The following SDK1 variants were observed in gnomAD, a reference collection of about 807,000 sequenced individuals.
SDK1 encodes protein sidekick-1.
Under a neutral mutation model 245.5 loss-of-function variants are expected in SDK1, and 157 were observed. The ratio of observed to expected loss-of-function variants is 0.64; its 90% CI spans 0.56 to 0.73. The LOEUF (loss-of-function observed/expected upper bound fraction) is 0.73, where lower values mean the gene tolerates loss of function less well. Ranked by LOEUF, SDK1 falls within the 30% of genes least tolerant of loss-of-function variation. The probability of loss-of-function intolerance (pLI) is 0.00; values close to 1 mark genes in which losing one functional copy is unlikely to be tolerated. For missense variants in SDK1, 3,583 were observed against 3,002.3 expected, an observed-to-expected ratio of 1.19 and a Z score of -4.52; for synonymous variants, 1,647 against 1,278.5, an observed-to-expected ratio of 1.29 and a Z score of -6.15.
intron 22 of SDK1, among the ~76,000 whole-genome samples, chr7:4,085,635 A>T (rs1781378165): frequency 6.6e-6 from 1 of 151,794 alleles, no homozygotes; most frequent in South Asian, 2.1e-4. Context: ...GATCACTGCA[A>T]CCTCCACCTC....
intron 38 of SDK1, among the ~76,000 whole-genome samples, chr7:4,219,816 TCCCTC>T (rs1785038164): frequency 4.1e-5 from 1 of 24,252 alleles, no homozygotes; most frequent in African/African-American, 1.5e-4. Flanking sequence ...CCCCCGCTCC[TCCCTC>T]CCCTCCCCGC....
At chr7:3,727,451 A>G (rs1322057346) in intron 4 of SDK1, among the ~76,000 whole-genome samples, 1 of 152,092 alleles carries the variant, frequency 6.6e-6, no homozygotes, top group Non-Finnish European at 1.5e-5. Context: ...TGCTCTCTAT[A>G]AGGCTGGTTC....
chr7:3,876,581 CT>C (rs1325553735), intron 5 of SDK1, among the ~76,000 whole-genome samples: 1 of 152,172 alleles, frequency 6.6e-6, no homozygotes, highest in Admixed American at 6.5e-5. Flanking sequence ...GCATTGAGAA[CT>C]CATAACATCT....
At chr7:3,797,102 C>T (rs1778979303) in intron 4 of SDK1, among the ~76,000 whole-genome samples, 1 of 151,566 alleles carries the variant, frequency 6.6e-6, no homozygotes, top group Non-Finnish European at 1.5e-5. Context: ...GACCTCCTGG[C>T]CTCAAGTGAT....
At chr7:3,946,961 C>T (rs528451554) in intron 5 of SDK1, among the ~76,000 whole-genome samples, 1 of 152,182 alleles carries the variant, frequency 6.6e-6, no homozygotes, top group East Asian at 1.9e-4. Context: ...TATTTAACTC[C>T]GTGTCTTAAC....
chr7:3,741,799 C>T (rs977240325), intron 4 of SDK1, among the ~76,000 whole-genome samples: 6 of 152,062 alleles, frequency 3.9e-5, no homozygotes, highest in African/African-American at 1.4e-4. Flanking sequence ...GACTTTTCCA[C>T]ATAAACACAC....
intron 1 of SDK1, among the ~76,000 whole-genome samples, chr7:3,433,364 G>A (rs900150360): frequency 3.9e-5 from 6 of 152,222 alleles, no homozygotes; most frequent in African/African-American, 2.4e-5. Context: ...AGGAGGGGTT[G>A]AAGTTTTTAT....
In SDK1 at chr7:4,267,153, T is replaced by C; in HGVS notation, c.*1769T>C. ...TCAGTCTTTCCAAAATTAGAGGGTA[T>C]GGCAAGTTTCCTTTTTTCTCTCCTC... is the stretch of plus-strand genomic sequence containing the variant. On this transcript the variant is annotated 3_prime_UTR_variant, in exon 45 of 45. Transcript: ENST00000404826. 1 of 985,276 alleles carries C rather than the reference T, an allele frequency of 1.0e-6. No homozygotes were observed. Among genetic ancestry groups the C allele is most frequent in the Non-Finnish European group, 1.2e-6 (1 of 829,850 alleles). The allele number at this position is 985,276 out of a possible 1,614,324, so 61.0% of individuals were successfully genotyped here.
chr7:3,958,385 T>A (rs779393617), intron 7 of SDK1: 1 of 211,502 alleles, frequency 4.7e-6, no homozygotes, highest in Non-Finnish European at 9.5e-6. Context: ...TGCCTAGGAG[T>A]TTCCTTTGCT....
intron 1 of SDK1, among the ~76,000 whole-genome samples, chr7:3,419,511 G>T (rs376165708): frequency 6.6e-6 from 1 of 152,140 alleles, no homozygotes; most frequent in Non-Finnish European, 1.5e-5. Flanking sequence ...TCCGCAGGGG[G>T]TTGCTGTTTC....
intron 35 of SDK1, among the ~76,000 whole-genome samples, chr7:4,194,796 G>A (rs1240742072): frequency 6.6e-6 from 1 of 152,094 alleles, no homozygotes; most frequent in Non-Finnish European, 1.5e-5. Flanking sequence ...ATCTCTTTTG[G>A]CAACACCCTC....
intron 1 of SDK1, among the ~76,000 whole-genome samples, chr7:3,314,562 G>A (rs1394250228): frequency 2.0e-5 from 3 of 152,120 alleles, no homozygotes; most frequent in African/African-American, 7.2e-5. Flanking sequence ...CATTTTTGTG[G>A]CAACTTGATA....
intron 5 of SDK1, among the ~76,000 whole-genome samples, chr7:3,838,779 G>T (rs888195816): frequency 7.9e-5 from 12 of 152,184 alleles, no homozygotes; most frequent in African/African-American, 2.4e-4. Flanking sequence ...ACCATGCAGT[G>T]GGTGTCGATC....
chr7:3,932,173 C>A (rs988179332), intron 5 of SDK1, among the ~76,000 whole-genome samples: 1 of 152,150 alleles, frequency 6.6e-6, no homozygotes, highest in African/African-American at 2.4e-5. Context: ...TCTATGTGAA[C>A]AGACTACTTA....
Position 4,267,863 on chromosome 7 carries a change from A to T in SDK1, c.*2479A>T, listed in dbSNP as rs552109785. ...CTGGACTGTGCTTAGGACAGCGCCCATGCCTCGGAGGGACTCTGTCCCATG... is the reference window on the plus strand; with the variant it reads ...CTGGACTGTGCTTAGGACAGCGCCCTTGCCTCGGAGGGACTCTGTCCCATG... On this transcript the variant is annotated 3_prime_UTR_variant, in exon 45 of 45. Transcript: ENST00000404826. 3.0e-6 allele frequency: 3 copies of T among 985,576 alleles called. No individual in the cohort carries two copies. The African/African-American group carries it at 5.2e-5, about 17-fold the overall frequency. 61.1% of individuals were successfully genotyped at this position (985,576 alleles called of 1,614,324 possible).
rs1779925659 is a variant in SDK1, at chr7:4,145,771, C to A, written c.4278C>A (p.Thr1426=). ...CCAGCAGCAGCCCCCACACCTTCAC[C>A]ACCGTGGAGGTCGGCGCCACAGTGA... The part of the protein sequence containing the change: ...RLASSSPHTF[T]TVEVGATVRQ... The change falls in exon 29 of 45, where the codon ACC becomes ACA. Residue 1426 remains threonine, a synonymous_variant. Coordinates refer to ENST00000404826, the MANE Select transcript of SDK1 (RefSeq NM_152744.4). 1 of 1,613,246 alleles carries A rather than the reference C, an allele frequency of 6.2e-7. No homozygotes were observed. Among genetic ancestry groups the A allele is most frequent in the Non-Finnish European group, 8.5e-7 (1 of 1,179,640 alleles).
intron 1 of SDK1, among the ~76,000 whole-genome samples, chr7:3,598,231 T>C (rs1273944378): frequency 6.6e-6 from 1 of 152,240 alleles, no homozygotes; most frequent in Non-Finnish European, 1.5e-5. Context: ...TTGCTCATTT[T>C]ATTTATATAT....
chr7:3,656,608 A>G (rs972199850), intron 4 of SDK1, among the ~76,000 whole-genome samples: 2 of 152,074 alleles, frequency 1.3e-5, no homozygotes, highest in Non-Finnish European at 2.9e-5. Context: ...ACACTGCAGG[A>G]TACATCTCAC....
intron 34 of SDK1, among the ~76,000 whole-genome samples, chr7:4,177,477 A>G (rs1056349878): frequency 6.6e-6 from 1 of 152,348 alleles, no homozygotes; most frequent in Admixed American, 6.5e-5. Context: ...GTTCTTTCCC[A>G]GGACACGGCC....
Sources: gnomAD v4.1 joint callset for allele counts (sites outside exome capture counted in the v4.1 genomes callset) on GRCh38, gnomAD v4.1.1 for gene constraint, MANE v1.5 for transcripts, NCBI Gene and HGNC (gene_info 2026-07-23, HGNC 2026-07-21) for gene names.